NCKAP5: variants seen among roughly 807,000 people sequenced by gnomAD.
NCKAP5 encodes NCK associated protein 5.
Under a neutral mutation model 167.0 loss-of-function variants are expected in NCKAP5, and 92 were observed. The observed-to-expected ratio is 0.55, with a 90% CI of 0.47 to 0.66. The LOEUF (loss-of-function observed/expected upper bound fraction) is 0.66, where lower values mean the gene tolerates loss of function less well. Ranked by LOEUF, NCKAP5 falls within the 30% of genes least tolerant of loss-of-function variation. NCKAP5 has a pLI of 0.00. For synonymous variants in NCKAP5, 891 were observed against 877.4 expected (o/e 1.02, Z -0.27); for missense variants, 2,378 against 2,315.0 (o/e 1.03, Z -0.56).
intron 11 of NCKAP5, among the ~76,000 whole-genome samples, chr2:132,848,243 C>T (rs770912296): frequency 6.6e-6 from 1 of 152,100 alleles, no homozygotes; most frequent in Non-Finnish European, 1.5e-5. Flanking sequence ...ATTAAGTCAG[C>T]GAGTTATTTT....
chr2:133,359,615 A>G (rs1684965141), intron 3 of NCKAP5, among the ~76,000 whole-genome samples: 1 of 152,226 alleles, frequency 6.6e-6, no homozygotes, highest in South Asian at 2.1e-4. Context: ...TGAATTCACC[A>G]TTAAAGTGAA....
At chr2:133,451,640 C>T (rs1652625027) in intron 3 of NCKAP5, among the ~76,000 whole-genome samples, 1 of 152,146 alleles carries the variant, frequency 6.6e-6, no homozygotes, top group South Asian at 2.1e-4. Context: ...GCTAAACCTC[C>T]CCTTCCCATT....
rs1686584078 is a variant in NCKAP5, at chr2:133,545,537, C to T, written c.-62+13513G>A. ...ATACAGAGTTTGATAGGCTGCCTAT[C>T]TGCCTGTGGGCTCTGCCATCCCACA... On this transcript the variant is annotated intron_variant, in intron 2 of 19. Transcript: ENST00000409261. 7.2e-5 allele frequency among the ~76,000 whole-genome samples: 11 copies of T among 152,264 alleles called. No homozygotes were observed. The South Asian group carries it at 2.3e-3, about 32-fold the overall frequency.
At chr2:133,550,932 C>A (rs553933437) in intron 2 of NCKAP5, among the ~76,000 whole-genome samples, 1 of 151,682 alleles carries the variant, frequency 6.6e-6, no homozygotes, top group African/African-American at 2.4e-5. Context: ...ACAAAAATCA[C>A]AAGCATTCTT....
chr2:133,010,180 T>C (rs1363671156), intron 6 of NCKAP5, among the ~76,000 whole-genome samples: 6 of 152,208 alleles, frequency 3.9e-5, no homozygotes, highest in Non-Finnish European at 8.8e-5. Flanking sequence ...AAGGGAATTT[T>C]CAAACATAAC....
At chr2:133,273,040 A>T (rs1345471788) in intron 4 of NCKAP5, among the ~76,000 whole-genome samples, 1 of 152,134 alleles carries the variant, frequency 6.6e-6, no homozygotes, top group Non-Finnish European at 1.5e-5. Context: ...GTGTGGGCAT[A>T]TGTATTCATT....
chr2:132,699,702 G>A (rs1687698844), intron 19 of NCKAP5, among the ~76,000 whole-genome samples: 1 of 152,132 alleles, frequency 6.6e-6, no homozygotes, highest in Admixed American at 6.5e-5. Flanking sequence ...GTGTATATGT[G>A]CCACATTTTC....
Position 132,783,728 on chromosome 2 carries a change from G to A in NCKAP5, c.3083C>T (p.Ser1028Phe). Residue 1028 changes from serine to phenylalanine, a missense_variant, in exon 14 of 20, where the codon TCC becomes TTC. Ser to Phe is a radical substitution (Grantham distance 155). Around this residue, in one of 3 missense-constraint regions of NCKAP5, gnomAD observed 1,325 missense variants for 1,274.5 expected, o/e 1.04. Coordinates refer to ENST00000409261, the MANE Select transcript of NCKAP5 (RefSeq NM_207363.3). ...AGGCCCCAGAGCCATTACGGTGAAG[G>A]AGCTGGAGGGGGCATGAGCAGGGCA... ...TRCPAHAPSS[S>F]FTVMALGPPK... is the part of the protein sequence containing the mutation. 1 of 1,610,768 alleles carries A rather than the reference G, an allele frequency of 6.2e-7. No homozygotes were observed. Among genetic ancestry groups the A allele is most frequent in the Non-Finnish European group, 8.5e-7 (1 of 1,178,444 alleles).
At chr2:132,991,148 C>A (rs1480857923) in intron 7 of NCKAP5, among the ~76,000 whole-genome samples, 1 of 152,138 alleles carries the variant, frequency 6.6e-6, no homozygotes, top group Admixed American at 6.6e-5. Flanking sequence ...GATTGTACAT[C>A]CTCAGGCAAG....
intron 8 of NCKAP5, among the ~76,000 whole-genome samples, chr2:132,915,813 AG>A (rs1171791365): frequency 6.6e-6 from 1 of 152,000 alleles, no homozygotes; most frequent in East Asian, 1.9e-4. Context: ...GATGGAAAAG[AG>A]CCAGCCACAC....
At chr2:132,868,436 T>C (rs1424257433) in intron 10 of NCKAP5, among the ~76,000 whole-genome samples, 1 of 152,164 alleles carries the variant, frequency 6.6e-6, no homozygotes, top group South Asian at 2.1e-4. Flanking sequence ...CCACAAACTA[T>C]TGCAGTAACT....
At chr2:133,248,212 T>C (rs1052790457) in intron 4 of NCKAP5, among the ~76,000 whole-genome samples, 3 of 152,220 alleles carry the variant, frequency 2.0e-5, no homozygotes, top group Admixed American at 1.3e-4. Flanking sequence ...AAAGCTACCT[T>C]GACTAAGTGT....
chr2:132,805,741 T>A (rs1168014959), intron 11 of NCKAP5, among the ~76,000 whole-genome samples: 1 of 152,006 alleles, frequency 6.6e-6, no homozygotes, highest in Non-Finnish European at 1.5e-5. Flanking sequence ...TTATTATTTT[T>A]AAAAAATTTA....
At chr2:133,221,243 C>G (rs1273634174) in intron 4 of NCKAP5, among the ~76,000 whole-genome samples, 2 of 152,086 alleles carry the variant, frequency 1.3e-5, no homozygotes, top group East Asian at 3.8e-4. Context: ...AAGTCAGTTT[C>G]CTTTACTGTG....
chr2:133,448,686 G>A (rs1691361414), intron 3 of NCKAP5, among the ~76,000 whole-genome samples: 1 of 152,060 alleles, frequency 6.6e-6, no homozygotes, highest in African/African-American at 2.4e-5. Context: ...TGTTGCCCAG[G>A]CCAAGTGCAG....
At chr2:132,926,669 GTCT>G (rs1695921256) in intron 8 of NCKAP5, among the ~76,000 whole-genome samples, 1 of 152,026 alleles carries the variant, frequency 6.6e-6, no homozygotes, top group South Asian at 2.1e-4. Flanking sequence ...CCATTTGTAT[GTCT>G]TCTTTTGAAA....
At chr2:132,907,559 G>A (rs1694094163) in intron 8 of NCKAP5, among the ~76,000 whole-genome samples, 1 of 151,958 alleles carries the variant, frequency 6.6e-6, no homozygotes. Context: ...ACCTGTATGT[G>A]CACTAAGAGG....
At chr2:132,926,144 G>A (rs765173763) in intron 8 of NCKAP5, 13 of 348,432 alleles carry the variant, frequency 3.7e-5, no homozygotes, top group African/African-American at 6.3e-5. Context: ...GGTATTCGAC[G>A]TTCTGTTTCT....
intron 5 of NCKAP5, among the ~76,000 whole-genome samples, chr2:133,140,257 A>C (rs2082947165): frequency 6.6e-6 from 1 of 152,206 alleles, no homozygotes; most frequent in African/African-American, 2.4e-5. Flanking sequence ...TGCAAAGAAG[A>C]CACAGCATTT....
Sources: gnomAD v4.1 joint callset for allele counts (sites outside exome capture counted in the v4.1 genomes callset) on GRCh38, gnomAD v4.1.1 for gene constraint, gnomAD v4.1.1 regional missense constraint, MANE v1.5 for transcripts, NCBI Gene and HGNC (gene_info 2026-07-23, HGNC 2026-07-21) for gene names.